The following EDIL3 variants were observed in gnomAD, a reference collection of about 807,000 sequenced individuals.
The protein encoded by EDIL3 is EGF-like repeat and discoidin I-like domain-containing protein 3.
Under a neutral mutation model 67.4 loss-of-function variants are expected in EDIL3, and 37 were observed. The observed-to-expected ratio is 0.55, with a 90% CI of 0.42 to 0.72. The LOEUF (loss-of-function observed/expected upper bound fraction) is 0.72, where lower values mean the gene tolerates loss of function less well. Among genes scored for constraint, EDIL3 ranks in the 30% least tolerant of loss-of-function variants. The pLI is 0.00. For synonymous variants in EDIL3, 195 were observed against 196.3 expected, an observed-to-expected ratio of 0.99 and a Z score of 0.05; for missense variants, 527 against 586.3, an observed-to-expected ratio of 0.90 and a Z score of 1.04.
At chr5:84,267,318 T>C (rs1745370679) in intron 1 of EDIL3, among the ~76,000 whole-genome samples, 1 of 152,230 alleles carries the variant, frequency 6.6e-6, no homozygotes, top group African/African-American at 2.4e-5. Context: ...TATGTGATCT[T>C]CCTTTTGTGA....
chr5:83,985,536 A>C (rs1745044706), intron 9 of EDIL3, among the ~76,000 whole-genome samples: 1 of 152,070 alleles, frequency 6.6e-6, no homozygotes. Flanking sequence ...TACTAGAGTA[A>C]CAAATAGGGC....
intron 6 of EDIL3, among the ~76,000 whole-genome samples, chr5:84,083,731 T>C (rs1396877889): frequency 6.6e-6 from 1 of 152,208 alleles, no homozygotes; most frequent in Non-Finnish European, 1.5e-5. Context: ...CTTTGGTTGT[T>C]TGTTATCATT....
At chr5:84,129,829 T>C (rs1747929885) in intron 5 of EDIL3, among the ~76,000 whole-genome samples, 1 of 152,160 alleles carries the variant, frequency 6.6e-6, no homozygotes, top group Non-Finnish European at 1.5e-5. Context: ...TATATAAACA[T>C]GGTTTGGCAT....
chr5:84,224,712 G>C (rs1306741693), intron 3 of EDIL3, among the ~76,000 whole-genome samples: 3 of 151,320 alleles, frequency 2.0e-5, no homozygotes, highest in Non-Finnish European at 4.4e-5. Context: ...GCAAAGCTTT[G>C]TTTTTAAAGG....
At chr5:84,288,299 C>T (rs1745849042) in intron 1 of EDIL3, among the ~76,000 whole-genome samples, 1 of 152,206 alleles carries the variant, frequency 6.6e-6, no homozygotes, top group African/African-American at 2.4e-5. Context: ...TTCTAACACC[C>T]GAGTTCAATC....
At chr5:84,062,052 C>G (rs1746555386) in intron 8 of EDIL3, among the ~76,000 whole-genome samples, 1 of 151,974 alleles carries the variant, frequency 6.6e-6, no homozygotes, top group Non-Finnish European at 1.5e-5. Flanking sequence ...CCTATGAAAA[C>G]ATGGAAAACA....
At chr5:84,100,545 AG>A (rs1747344125) in intron 6 of EDIL3, among the ~76,000 whole-genome samples, 1 of 152,074 alleles carries the variant, frequency 6.6e-6, no homozygotes, top group Non-Finnish European at 1.5e-5. Flanking sequence ...GGAAACAGAC[AG>A]GGGAACATCA....
intron 1 of EDIL3, among the ~76,000 whole-genome samples, chr5:84,383,531 C>T (rs1159613729): frequency 2.0e-5 from 3 of 152,188 alleles, no homozygotes; most frequent in Admixed American, 1.3e-4. Context: ...ACCCTACAAG[C>T]TCTCACAACT....
chr5:84,270,679 T>C (rs1223288888), intron 1 of EDIL3, among the ~76,000 whole-genome samples: 1 of 152,200 alleles, frequency 6.6e-6, no homozygotes, highest in East Asian at 1.9e-4. Context: ...CTTTATAAGA[T>C]ATTATCTCTC....
At chr5:84,345,567 C>T (rs1747219866) in intron 1 of EDIL3, among the ~76,000 whole-genome samples, 3 of 151,974 alleles carry the variant, frequency 2.0e-5, no homozygotes, top group Admixed American at 1.3e-4. Flanking sequence ...TTAGTAGGGT[C>T]CCCTTAAAAA....
chr5:84,370,825 T>C (rs1259842082), intron 1 of EDIL3, among the ~76,000 whole-genome samples: 1 of 152,170 alleles, frequency 6.6e-6, no homozygotes. Flanking sequence ...GTGCATCAAG[T>C]AGATAACAAT....
chr5:84,064,080 T>C (rs781242294), intron 8 of EDIL3, among the ~76,000 whole-genome samples: 9 of 152,124 alleles, frequency 5.9e-5, no homozygotes, highest in Admixed American at 4.6e-4. Context: ...TAACTCTGAG[T>C]CCTTTGATAG....
At chr5:84,053,024 C>T (rs1284363789) in intron 9 of EDIL3, among the ~76,000 whole-genome samples, 2 of 152,158 alleles carry the variant, frequency 1.3e-5, no homozygotes, top group East Asian at 3.9e-4. Context: ...AGCACCACAC[C>T]ACACCTACTC....
At chr5:83,962,222 T>C (rs979641638) in intron 10 of EDIL3, among the ~76,000 whole-genome samples, 1 of 151,484 alleles carries the variant, frequency 6.6e-6, no homozygotes, top group Non-Finnish European at 1.5e-5. Context: ...CATAAGGAAG[T>C]AAAAGGATTA....
At chr5:84,092,684 C>T (rs556214660) in intron 6 of EDIL3, among the ~76,000 whole-genome samples, 1 of 152,050 alleles carries the variant, frequency 6.6e-6, no homozygotes, top group East Asian at 1.9e-4. Flanking sequence ...GATAATTTTA[C>T]ATTAACAATA....
intron 9 of EDIL3, among the ~76,000 whole-genome samples, chr5:83,989,472 G>A (rs934535980): frequency 3.9e-5 from 6 of 152,204 alleles, no homozygotes; most frequent in Admixed American, 2.6e-4. Context: ...CTCAAAATAT[G>A]CATTGCTCCT....
At chr5:84,075,890 GCACACACA>G (rs10530772) in intron 6 of EDIL3, among the ~76,000 whole-genome samples, 14 of 144,968 alleles carry the variant, frequency 9.7e-5, no homozygotes, top group African/African-American at 1.3e-4. Flanking sequence ...AAGTGTGCAC[GCACACACA>G]CACACACACA....
In EDIL3 at chr5:84,060,334, G is replaced by T; in HGVS notation, c.1103C>A (p.Thr368Asn). Residue 368 changes from threonine (T) to asparagine (N), a missense_variant, in exon 9 of 11, where the codon ACC becomes AAC. Thr to Asn is a moderately conservative substitution (Grantham distance 65). Transcript: ENST00000296591. The stretch of plus-strand genomic sequence containing the variant: ...TTGTGACTGGTCATTGTGGCCAGAG[G>T]TCCAGGCATTCACTTTGCCTTGCTT... The part of the protein sequence containing the change: ...LDKQGKVNAW[T>N]SGHNDQSQWL... 6.2e-7 allele frequency: 1 copy of T among 1,613,802 alleles called. No homozygotes were observed. Among genetic ancestry groups the T allele is most frequent in the Non-Finnish European group, 8.5e-7 (1 of 1,179,806 alleles).
chr5:84,278,908 A>T (rs1745640201), intron 1 of EDIL3, among the ~76,000 whole-genome samples: 1 of 152,160 alleles, frequency 6.6e-6, no homozygotes, highest in African/African-American at 2.4e-5. Context: ...AGAGTGTGGT[A>T]TAATTTAAGG....
Sources: allele counts gnomAD v4.1 joint callset (sites outside exome capture counted in the v4.1 genomes callset), GRCh38; gene constraint gnomAD v4.1.1; transcripts MANE v1.5; gene names NCBI Gene and HGNC (gene_info 2026-07-23, HGNC 2026-07-21).